The following NTRK2 variants were observed in gnomAD, a reference collection of about 807,000 sequenced individuals.
The protein encoded by NTRK2 is neurotrophic receptor tyrosine kinase 2, also known as BDNF/NT-3 growth factors receptor.
In NTRK2, 13 loss-of-function variants were observed where a neutral mutation model predicts 94.5. The ratio of observed to expected loss-of-function variants is 0.14; its 90% confidence interval spans 0.09 to 0.22. The LOEUF is 0.22. NTRK2 is among the 10% of genes least tolerant of loss of function. NTRK2 has a pLI of 1.00. For synonymous variants in NTRK2, 372 were observed against 407.4 expected (o/e 0.91, Z 1.05); for missense variants, 639 against 1,071.2 (o/e 0.60, Z 5.63).
Position 84,752,071 on chromosome 9 carries a change from A to C in NTRK2, c.1382A>C (p.Lys461Thr). The change falls in exon 12 of 19, where the codon AAG (lysine) becomes ACG (threonine). Residue 461 changes from lysine to threonine, a missense_variant. Physicochemically the swap from Lys to Thr is moderately conservative, Grantham distance 78. Around this residue, in one of 5 missense-constraint regions of NTRK2, gnomAD observed 343 missense variants for 571.5 expected, o/e 0.60. Transcript: ENST00000277120. ...CTGCTTAAGTTGGCAAGACACTCCAAGTTTGGCATGAAAGGTAAGAAGGGT... is the reference window on the plus strand; with the variant it reads ...CTGCTTAAGTTGGCAAGACACTCCACGTTTGGCATGAAAGGTAAGAAGGGT... ...LFLLKLARHSKFGMKDFSWFG... is the reference protein window; with the variant it reads ...LFLLKLARHSTFGMKDFSWFG... 1 of 1,613,940 alleles carries C rather than the reference A, an allele frequency of 6.2e-7. No homozygotes were observed. The highest frequency in any genetic ancestry group is 1.1e-5 in the South Asian group (1 of 91,074).
intron 12 of NTRK2, among the ~76,000 whole-genome samples, chr9:84,847,207 T>A (rs1349841844): frequency 3.9e-5 from 6 of 152,122 alleles, no homozygotes; most frequent in Non-Finnish European, 7.4e-5. Flanking sequence ...ACAGGCCAAT[T>A]CAACATTAGT....
intron 14 of NTRK2, chr9:84,873,590 T>C: frequency 1.9e-6 from 2 of 1,052,694 alleles, no homozygotes; most frequent in Non-Finnish European, 2.3e-6. Flanking sequence ...AATAATGCTT[T>C]AAAAAAGCAA....
chr9:84,877,989 A>T (rs1367087631), intron 14 of NTRK2: 1 of 979,954 alleles, frequency 1.0e-6, no homozygotes, highest in African/African-American at 1.7e-5. Flanking sequence ...TCCTCAAGGC[A>T]CCACGAACAG....
At chr9:84,716,584 T>G (rs907621177) in intron 6 of NTRK2, among the ~76,000 whole-genome samples, 1 of 152,230 alleles carries the variant, frequency 6.6e-6, no homozygotes, top group Admixed American at 6.5e-5. Context: ...AAACATTATT[T>G]TCTTAGCAAC....
chr9:84,680,855 G>T (rs1660862083), intron 2 of NTRK2, among the ~76,000 whole-genome samples: 3 of 152,096 alleles, frequency 2.0e-5, no homozygotes, highest in Admixed American at 6.6e-5. Context: ...TATCTTACTT[G>T]ACTTCTTAGC....
intron 12 of NTRK2, among the ~76,000 whole-genome samples, chr9:84,785,109 A>G (rs1184860222): frequency 1.3e-5 from 2 of 152,114 alleles, no homozygotes; most frequent in African/African-American, 2.4e-5. Flanking sequence ...CACCTTCTTT[A>G]TCCTCTTATT....
chr9:84,676,183 C>T (rs1238519548), intron 2 of NTRK2, among the ~76,000 whole-genome samples: 1 of 152,186 alleles, frequency 6.6e-6, no homozygotes, highest in East Asian at 1.9e-4. Flanking sequence ...CAGCTTGTCA[C>T]ATGTAAACTG....
chr9:84,744,868 T>C (rs1160704165), intron 10 of NTRK2, 105 bp from the exon 11 acceptor site: 11 of 865,196 alleles, frequency 1.3e-5, no homozygotes, highest in Non-Finnish European at 2.2e-5. Context: ...TTTGGAATCT[T>C]TGTGATTTGT....
At chr9:84,870,331 G>GTATATATATATA (rs1158637577) in intron 14 of NTRK2, among the ~76,000 whole-genome samples, 597 of 31,028 alleles carry the variant, frequency 0.019, 16 homozygotes, top group Middle Eastern at 0.056. Flanking sequence ...GTGTGTGTGT[G>GTATATATATATA]TATATATATA....
At chr9:85,004,548 G>A (rs2378674) in intron 17 of NTRK2, among the ~76,000 whole-genome samples, 110,556 of 151,522 alleles carry the variant, frequency 0.73, 40,962 homozygotes, top group African/African-American at 0.82. Context: ...ACATAAATAC[G>A]TGTTTTGTTA....
intron 10 of NTRK2, among the ~76,000 whole-genome samples, chr9:84,744,723 G>A (rs894172314): frequency 4.6e-5 from 7 of 152,122 alleles, no homozygotes; most frequent in African/African-American, 1.4e-4. Flanking sequence ...CCCTGAACCA[G>A]GTTTGGGGCT....
At position 85,024,337 on chromosome 9, in the gene NTRK2, C is replaced by T. The variant is rs73470057; in HGVS notation, c.*2900C>T. The T allele has an allele frequency of 0.011, 2,598 of 233,064 alleles. 59 individuals carry two copies. Among genetic ancestry groups the T allele is most frequent in the African/African-American group, 0.053 (2,403 of 45,446 alleles). 14.4% of individuals were successfully genotyped at this position (233,064 alleles called of 1,614,324 possible). ...GTAATGATCACCAAATACGGCCTTC[C>T]ATCAAATTTGTGAAAACTACAACAG... On this transcript the variant is annotated 3_prime_UTR_variant, in exon 19 of 19. Coordinates refer to ENST00000277120, the MANE Select transcript of NTRK2 (RefSeq NM_006180.6).
intron 14 of NTRK2, chr9:84,876,773 G>A: frequency 9.4e-7 from 1 of 1,061,296 alleles, no homozygotes; most frequent in Non-Finnish European, 1.1e-6. Flanking sequence ...ATCAATACAT[G>A]TAGCTGCTTG....
chr9:84,916,202 C>T (rs1341857858), intron 14 of NTRK2, among the ~76,000 whole-genome samples: 1 of 151,798 alleles, frequency 6.6e-6, no homozygotes, highest in Non-Finnish European at 1.5e-5. Context: ...GTTACTCTGT[C>T]CTCCCAAAAG....
At chr9:84,869,419 A>G (rs1383600681) in intron 14 of NTRK2, among the ~76,000 whole-genome samples, 1 of 152,196 alleles carries the variant, frequency 6.6e-6, no homozygotes, top group African/African-American at 2.4e-5. Context: ...TCCAGGCAAC[A>G]AGTCACTATA....
At chr9:84,707,732 T>A in intron 4 of NTRK2, 112 bp from the exon 5 acceptor site, 1 of 832,376 alleles carries the variant, frequency 1.2e-6, no homozygotes, top group Non-Finnish European at 2.0e-6. Flanking sequence ...TAAGTAAAGC[T>A]TATATAATGA....
intron 17 of NTRK2, among the ~76,000 whole-genome samples, chr9:85,017,000 C>CT (rs1324649064): frequency 3.3e-5 from 5 of 152,144 alleles, no homozygotes; most frequent in Non-Finnish European, 5.9e-5. Context: ...GAAACAGAAG[C>CT]TTTTTCTTGG....
chr9:84,737,939 G>C (rs972286417), intron 9 of NTRK2, among the ~76,000 whole-genome samples: 1 of 151,384 alleles, frequency 6.6e-6, no homozygotes, highest in Non-Finnish European at 1.5e-5. Flanking sequence ...TGCTCAACAC[G>C]TTCTTCAGAA....
At position 84,850,115 on chromosome 9, in the gene NTRK2, T is replaced by C. The variant is rs1218123555; in HGVS notation, c.1397-10925T>C. ...ATTTCTGATTTGGGGAATAAATAAATGCTTCATGATAAGAGTAACTTTTAA... is the reference window on the plus strand; with the variant it reads ...ATTTCTGATTTGGGGAATAAATAAACGCTTCATGATAAGAGTAACTTTTAA... On this transcript the variant is annotated intron_variant, in intron 12 of 18. Transcript: ENST00000277120. Among the ~76,000 whole-genome samples the C allele has an allele frequency of 2.0e-5, 3 of 152,150 alleles. No homozygotes were observed. In the East Asian group the frequency reaches 5.8e-4, roughly 29 times the overall value.
Sources: gnomAD v4.1 joint callset for allele counts (sites outside exome capture counted in the v4.1 genomes callset) on GRCh38, gnomAD v4.1.1 for gene constraint, gnomAD v4.1.1 regional missense constraint, MANE v1.5 for transcripts, NCBI Gene and HGNC (gene_info 2026-07-23, HGNC 2026-07-21) for gene names.